NFATC4: variants seen among roughly 807,000 people sequenced by gnomAD.
The protein encoded by NFATC4 is nuclear factor of activated T-cells, cytoplasmic 4.
NFATC4 carries 25 observed loss-of-function variants against 73.4 expected under a neutral mutation model. The observed-to-expected ratio is 0.34, with a 90% confidence interval of 0.25 to 0.48. The LOEUF is 0.48. Ranked by LOEUF, NFATC4 falls within the 20% of genes least tolerant of loss-of-function variation. NFATC4 has a pLI of 0.99. For missense variants in NFATC4, 1,130 were observed against 1,203.7 expected (o/e 0.94, Z 0.91); for synonymous variants, 523 against 510.3 (o/e 1.02, Z -0.34).
At position 24,369,129 on chromosome 14, in the gene NFATC4, T is replaced by G. The variant is rs933971557; in HGVS notation, c.101-370T>G. 10 of 1,439,914 alleles carry G rather than the reference T, an allele frequency of 6.9e-6. No homozygotes were observed. In the African/African-American group the frequency reaches 1.3e-4, roughly 19 times the overall value. 89.2% of individuals were successfully genotyped at this position (1,439,914 alleles called of 1,614,324 possible). A position where few individuals can be genotyped will look rare whatever the true frequency, so the allele number is the denominator to read the frequency against. The stretch of plus-strand genomic sequence containing the variant: ...CTCCTGCCAGCGCCGTTTGGGGGTT[T>G]GGGAACCGCTGCTAATTGGGTTCAT... On this transcript the variant is annotated intron_variant, in intron 1 of 9. Transcript: ENST00000250373.
chr14:24,368,682 G>A (rs1013119514), intron 1 of NFATC4, among the ~76,000 whole-genome samples: 23 of 151,888 alleles, frequency 1.5e-4, no homozygotes, highest in African/African-American at 5.6e-4. Context: ...CCTCCCGGCT[G>A]GGCCGCCTGT....
chr14:24,368,461 G>T (rs1435829008), intron 1 of NFATC4, 21 bp downstream of exon 1: 2 of 1,279,516 alleles, frequency 1.6e-6, no homozygotes, highest in South Asian at 3.1e-5. Context: ...GGCTGGGAAG[G>T]GGTCTTGGGG....
chr14:24,367,046 T>G (rs200828714), upstream of NFATC4: 387 of 1,613,512 alleles, frequency 2.4e-4, 2 homozygotes, highest in African/African-American at 4.6e-3. Context: ...TGTGTGTGTG[T>G]GGGAGAAAAT....
upstream of NFATC4, chr14:24,367,952 C>T (rs2042349785): frequency 3.4e-6 from 4 of 1,189,062 alleles, no homozygotes; most frequent in Non-Finnish European, 4.2e-6. Context: ...GACCAATAGG[C>T]AACATTAGTA....
At position 24,370,058 on chromosome 14, in the gene NFATC4, C is replaced by T. The variant is rs758196112; in HGVS notation, c.660C>T (p.Ala220=). ...GLGSPLPSPR[A]SPRPWTPEDP... ...GCTCCCCGCTGCCCTCGCCCCGGGC[C>T]TCCCCTCGGCCATGGACCCCCGAAG... is the stretch of plus-strand genomic sequence containing the variant. The change falls in exon 2 of 10, where the codon GCC becomes GCT. Residue 220 remains alanine (A), a synonymous_variant. Coordinates refer to ENST00000250373, the MANE Select transcript of NFATC4 (RefSeq NM_004554.5). 4 of 1,607,704 alleles carry T rather than the reference C, an allele frequency of 2.5e-6. No individual in the cohort carries two copies. The highest frequency in any genetic ancestry group is 1.1e-5 in the South Asian group (1 of 91,062).
chr14:24,369,580 T>C lies in NFATC4; in HGVS notation c.182T>C (p.Ile61Thr). 1 of 1,612,474 alleles carries C rather than the reference T, an allele frequency of 6.2e-7. No homozygotes were observed. Among genetic ancestry groups the C allele is most frequent in the Non-Finnish European group, 8.5e-7 (1 of 1,179,208 alleles). The change falls in exon 2 of 10, where the codon ATT becomes ACT. Residue 61 changes from isoleucine (I) to threonine (T), a missense_variant. Physicochemically the swap from Ile to Thr is moderately conservative, Grantham distance 89. Coordinates refer to ENST00000250373, the MANE Select transcript of NFATC4 (RefSeq NM_004554.5). ...CCCTATGGCGCTGCACCTATCGGTA[T>C]TCCCCGACCTCCACCCCCTCGGCCT... ...PPPYGAAPIG[I>T]PRPPPPRPGM...
At chr14:24,368,107 C>T, upstream of NFATC4, 1 of 1,186,430 alleles carries the variant, frequency 8.4e-7, no homozygotes, top group Non-Finnish European at 1.0e-6. Context: ...CTGGAGCATC[C>T]CCGGCAGCCA....
Position 24,377,906 on chromosome 14 carries a change from G to C in NFATC4, c.*201G>C. On this transcript the variant is annotated 3_prime_UTR_variant, in exon 10 of 10. Transcript: ENST00000250373. The surrounding 1 kb of genome is among the most constrained non-coding windows in gnomAD (Gnocchi z 4.2). ...GGCCTGGTGCTGCCTTGGAGGGCTG[G>C]GGGAAGGAGTGTGTGGAGGAGGGAG... 2.7e-6 allele frequency: 3 copies of C among 1,109,608 alleles called. No homozygotes were observed. The highest frequency in any genetic ancestry group is 3.8e-6 in the Non-Finnish European group (3 of 799,176). The allele number at this position is 1,109,608 out of a possible 1,614,324, so 68.7% of individuals were successfully genotyped here.
upstream of NFATC4, chr14:24,368,079 T>C (rs540931106): frequency 6.1e-4 from 708 of 1,157,112 alleles, 8 homozygotes; most frequent in African/African-American, 0.011. Context: ...TTTTCCCATC[T>C]CATCCCTGGA....
rs2042430244 is a variant in NFATC4 at position 24,370,096 on chromosome 14, T to C, written c.698T>C (p.Leu233Pro). 1.2e-6 allele frequency: 2 copies of C among 1,604,624 alleles called. No homozygotes were observed. Among genetic ancestry groups the C allele is most frequent in the East Asian group, 2.2e-5 (1 of 44,854 alleles). ...RPWTPEDPWS[L>P]YGPSPGGRGP... ...TGGACCCCCGAAGATCCCTGGAGCCTGTATGGTCCAAGCCCCGGAGGCCGA... is the reference window on the plus strand; with the variant it reads ...TGGACCCCCGAAGATCCCTGGAGCCCGTATGGTCCAAGCCCCGGAGGCCGA... Residue 233 changes from leucine to proline, a missense_variant, in exon 2 of 10, where the codon CTG becomes CCG. Leu to Pro is a moderately conservative substitution (Grantham distance 98, BLOSUM62 -3). Transcript: ENST00000250373.
In NFATC4 at chr14:24,376,702, T is replaced by G; in HGVS notation, c.2465T>G (p.Leu822Arg). The change falls in exon 9 of 10, where the codon CTT becomes CGT. Residue 822 changes from leucine to arginine, a missense_variant. This residue lies in a region of NFATC4 where 390 missense variants were observed against 408.1 expected (regional missense o/e 0.96). Coordinates refer to ENST00000250373, the MANE Select transcript of NFATC4 (RefSeq NM_004554.5). The surrounding 1 kb of genome is among the most constrained non-coding windows in gnomAD (Gnocchi z 5.0). ...RPPPLPASPP[L>R]EGPFPSQSDV... The stretch of plus-strand genomic sequence containing the variant: ...CCTCCTCTTCCTGCATCCCCACCGC[T>G]TGAAGGCCCCTTCCCTTCCCAGAGT... The G allele has an allele frequency of 6.2e-7, 1 of 1,613,802 alleles. No individual in the cohort carries two copies. The highest frequency in any genetic ancestry group is 2.2e-5 in the East Asian group (1 of 44,866).
chr14:24,372,497 A>G lies in NFATC4; in HGVS notation c.1253A>G (p.Glu418Gly). Residue 418 changes from glutamate (E) to glycine (G), a missense_variant, in exon 3 of 10, where the codon GAG (glutamate) becomes GGG (glycine). Transcript: ENST00000250373. ...CTGCCCAGCCAATATGAGCAGCTGG[A>G]GCTGAGGATCGAGGTACAGCCTAGA... is the stretch of plus-strand genomic sequence containing the variant. ...WPLPSQYEQL[E>G]LRIEVQPRAH... is the part of the protein sequence containing the mutation. 1 of 1,613,998 alleles carries G rather than the reference A, an allele frequency of 6.2e-7. No homozygotes were observed. The highest frequency in any genetic ancestry group is 2.2e-5 in the East Asian group (1 of 44,874).
At chr14:24,368,485 G>C in intron 1 of NFATC4, 45 bp downstream of exon 1, 1 of 1,253,838 alleles carries the variant, frequency 8.0e-7, no homozygotes, top group Non-Finnish European at 1.0e-6. Flanking sequence ...GTGAGAGGAG[G>C]GCCGGGGATC....
In NFATC4 at chr14:24,370,113, G is replaced by A; in HGVS notation, c.715G>A (p.Gly239Arg). 2.5e-6 allele frequency: 4 copies of A among 1,603,752 alleles called. No individual in the cohort carries two copies. Among genetic ancestry groups the A allele is most frequent in the Non-Finnish European group, 3.4e-6 (4 of 1,179,628 alleles). Residue 239 changes from glycine (G) to arginine (R), a missense_variant, in exon 2 of 10, where the codon GGA becomes AGA. Transcript: ENST00000250373. The stretch of plus-strand genomic sequence containing the variant: ...CTGGAGCCTGTATGGTCCAAGCCCC[G>A]GAGGCCGAGGGCCAGAGGATAGCTG... ...DPWSLYGPSP[G>R]GRGPEDSWLL...
chr14:24,374,852 T>A (rs11621031), intron 6 of NFATC4: 36 of 161,464 alleles, frequency 2.2e-4, no homozygotes, highest in Non-Finnish European at 3.8e-4. Context: ...TGCCCCAAGA[T>A]GGAGCTACAG....
chr14:24,367,209 G>A (rs776308074), upstream of NFATC4: 7 of 1,600,964 alleles, frequency 4.4e-6, no homozygotes, highest in East Asian at 1.6e-4. Flanking sequence ...TCCTCCTCCA[G>A]CCCAGGTGAC....
chr14:24,367,315 A>G, upstream of NFATC4: 4 of 1,545,838 alleles, frequency 2.6e-6, no homozygotes, highest in Non-Finnish European at 3.5e-6. Context: ...TAAACCTGGC[A>G]AGGATTTTTA....
At chr14:24,368,904 AG>A (rs34317294) in intron 1 of NFATC4, 119,349 of 270,020 alleles carry the variant, frequency 0.44, 32,433 homozygotes, top group Middle Eastern at 0.56. Flanking sequence ...GCGGGGACCG[AG>A]CCGGGGGCGG....
rs1384456754 is a variant in NFATC4 at position 24,369,717 on chromosome 14, G to A, written c.319G>A (p.Gly107Ser). The A allele has an allele frequency of 6.2e-7, 1 of 1,610,638 alleles. No individual in the cohort carries two copies. Among genetic ancestry groups the A allele is most frequent in the African/African-American group, 1.3e-5 (1 of 74,846 alleles). ...GPGGGAGGAG[G>S]GRVLECPSIR... ...AGGAGGGGGTGCTGGGGGTGCTGGG[G>A]GTGGCCGTGTTCTCGAGTGTCCCAG... Residue 107 changes from glycine (G) to serine (S), a missense_variant, in exon 2 of 10, where the codon GGT becomes AGT. By Grantham distance (56) the Gly-to-Ser change is moderately conservative. Coordinates refer to ENST00000250373, the MANE Select transcript of NFATC4 (RefSeq NM_004554.5).
Sources: allele counts gnomAD v4.1 joint callset (sites outside exome capture counted in the v4.1 genomes callset), GRCh38; gene constraint gnomAD v4.1.1; regional missense constraint gnomAD v4.1.1; non-coding constraint Gnocchi (gnomAD v3.1); transcripts MANE v1.5; gene names NCBI Gene and HGNC (gene_info 2026-07-23, HGNC 2026-07-21).